The following ADAMTS2 variants were observed in gnomAD, a reference collection of about 807,000 sequenced individuals.
The protein encoded by ADAMTS2 is ADAM metallopeptidase with thrombospondin type 1 motif 2.
A neutral mutation model predicts 123.0 loss-of-function variants in ADAMTS2; 50 were observed. The ratio of observed to expected loss-of-function variants is 0.41; its 90% CI spans 0.32 to 0.51. The LOEUF is 0.51. Ranked by LOEUF, ADAMTS2 falls within the 20% of genes least tolerant of loss-of-function variation. ADAMTS2 has a pLI of 0.35. For missense variants in ADAMTS2, 1,494 were observed against 1,705.2 expected, an observed-to-expected ratio of 0.88 and a Z score of 2.18; for synonymous variants, 678 against 695.4, an observed-to-expected ratio of 0.98 and a Z score of 0.39.
chr5:179,275,166 G>A (rs1766660729), intron 2 of ADAMTS2, among the ~76,000 whole-genome samples: 1 of 152,128 alleles, frequency 6.6e-6, no homozygotes, highest in Non-Finnish European at 1.5e-5. Context: ...CAGTTCAGAA[G>A]CATGGTGGCT....
At chr5:179,191,869 C>G (rs1401726501) in intron 4 of ADAMTS2, among the ~76,000 whole-genome samples, 1 of 151,566 alleles carries the variant, frequency 6.6e-6, no homozygotes, top group East Asian at 1.9e-4. Context: ...CACATGGATG[C>G]CCCTCGCTCC....
chr5:179,153,927 C>A, intron 8 of ADAMTS2, 122 bp downstream of exon 8: 1 of 1,368,328 alleles, frequency 7.3e-7, no homozygotes, highest in Non-Finnish European at 9.9e-7. Flanking sequence ...TCCTCCCCCG[C>A]ACACAAGCTT....
intron 4 of ADAMTS2, among the ~76,000 whole-genome samples, chr5:179,187,144 C>T (rs1290766089): frequency 1.3e-5 from 2 of 152,178 alleles, no homozygotes; most frequent in East Asian, 3.9e-4. Context: ...TCTCCCTGTG[C>T]AGCCCCTCAA....
At chr5:179,224,197 T>G (rs1327488452) in intron 3 of ADAMTS2, among the ~76,000 whole-genome samples, 1 of 152,188 alleles carries the variant, frequency 6.6e-6, no homozygotes, top group Non-Finnish European at 1.5e-5. Flanking sequence ...GTGGATGCTG[T>G]GCGCTTACTG....
In ADAMTS2 at chr5:179,114,042, T is replaced by C. The variant is rs1371406484; in HGVS notation, c.3461A>G (p.Asp1154Gly). 9 of 1,614,018 alleles carry C rather than the reference T, an allele frequency of 5.6e-6. No individual in the cohort carries two copies. In the African/African-American group the frequency reaches 1.2e-4, roughly 22 times the overall value. The change falls in exon 22 of 22, where the codon GAT (aspartate) becomes GGT (glycine). Residue 1154 changes from aspartate to glycine, a missense_variant. Coordinates refer to ENST00000251582, the MANE Select transcript of ADAMTS2 (RefSeq NM_014244.5). ...LNASSTNATE[D>G]HPETNAVDEP... is the part of the protein sequence containing the mutation. Reference sequence around the variant, plus strand: ...ATCTACGGCATTGGTTTCTGGGTGATCCTCTGTGGCATTGGTGCTGGAGGC... The same window carrying C: ...ATCTACGGCATTGGTTTCTGGGTGACCCTCTGTGGCATTGGTGCTGGAGGC...
chr5:179,224,872 C>T (rs1005600874), intron 3 of ADAMTS2, among the ~76,000 whole-genome samples: 1 of 152,120 alleles, frequency 6.6e-6, no homozygotes, highest in Non-Finnish European at 1.5e-5. Context: ...TCTGCCACCT[C>T]GGCTCCACGC....
At chr5:179,127,897 C>T (rs1365345005) in intron 17 of ADAMTS2, 62 bp downstream of exon 17, 12 of 1,603,972 alleles carry the variant, frequency 7.5e-6, no homozygotes, top group African/African-American at 1.3e-5. Flanking sequence ...CCCAGGGATG[C>T]TCCCTACCTT....
At position 179,137,838 on chromosome 5, in the gene ADAMTS2, G is replaced by A. The variant is rs984794583; in HGVS notation, c.1882C>T (p.Arg628Cys). 5 of 1,572,902 alleles carry A rather than the reference G, an allele frequency of 3.2e-6. No individual in the cohort carries two copies. The highest frequency in any genetic ancestry group is 4.3e-6 in the Non-Finnish European group (5 of 1,160,694). Residue 628 changes from arginine to cysteine, a missense_variant, in exon 12 of 22, where the codon CGC becomes TGC. This residue lies in a region of ADAMTS2 where 953 missense variants were observed against 1,124.7 expected (regional missense o/e 0.85). Transcript: ENST00000251582. ...TGCTCGAAGTACAGGTCCCACTGGC[G>A]GCACTGCTCCTCGCGGAAGTCAGCC... ...SLADFREEQC[R>C]QWDLYFEHGD...
At position 179,113,808 on chromosome 5, in the gene ADAMTS2, C is replaced by G. The variant is rs996505643; in HGVS notation, c.*59G>C. On this transcript the variant is annotated 3_prime_UTR_variant, in exon 22 of 22. Coordinates refer to ENST00000251582, the MANE Select transcript of ADAMTS2 (RefSeq NM_014244.5). ...ATCTCCATGACACAGGATTTGCTAT[C>G]CCATGGAATATCTCTATAAGCAAGA... The G allele has an allele frequency of 6.6e-7, 1 of 1,524,746 alleles. No individual in the cohort carries two copies. The highest frequency in any genetic ancestry group is 1.4e-5 in the African/African-American group (1 of 72,984). 94.5% of individuals were successfully genotyped at this position (1,524,746 alleles called of 1,614,324 possible). A position where few individuals can be genotyped will look rare whatever the true frequency, so the allele number is the denominator to read the frequency against.
rs1410901437 is a variant in ADAMTS2, at chr5:179,340,370, G to T, written c.534+3397C>A. On this transcript the variant is annotated intron_variant, in intron 2 of 21. Transcript: ENST00000251582. ...GTGAGGACTTAGGCCACCCATAGGA[G>T]CTGCAGCCCAGCGCAGGTCACGAGC... 2.0e-5 allele frequency among the ~76,000 whole-genome samples: 3 copies of T among 152,190 alleles called. No individual in the cohort carries two copies. In the East Asian group the frequency reaches 5.8e-4, roughly 29 times the overall value.
intron 1 of ADAMTS2, among the ~76,000 whole-genome samples, chr5:179,344,741 G>C (rs1757891195): frequency 6.6e-6 from 1 of 152,182 alleles, no homozygotes; most frequent in African/African-American, 2.4e-5. Flanking sequence ...GGGAGGGGTG[G>C]AACAGGGTCC....
At chr5:179,177,503 G>A (rs1285588243) in intron 5 of ADAMTS2, among the ~76,000 whole-genome samples, 1 of 152,188 alleles carries the variant, frequency 6.6e-6, no homozygotes, top group East Asian at 1.9e-4. Flanking sequence ...TTGCAAATGA[G>A]TATGAATGCA....
chr5:179,211,018 CCT>C lies in ADAMTS2; in HGVS notation c.689-3305_689-3304del, dbSNP rs1349295786. On this transcript the variant is annotated intron_variant, in intron 3 of 21. Coordinates refer to ENST00000251582, the MANE Select transcript of ADAMTS2 (RefSeq NM_014244.5). Reference sequence around the variant, plus strand: ...CTCTGGCCAGTGGGCCTGGCGTGGTCCTGAGTCGTCTTCCTAGTGATCCCTTT... The same window carrying C: ...CTCTGGCCAGTGGGCCTGGCGTGGTCGAGTCGTCTTCCTAGTGATCCCTTT... Among the ~76,000 whole-genome samples the C allele has an allele frequency of 1.4e-4, 21 of 152,366 alleles. No individual in the cohort carries two copies. The East Asian group carries it at 3.3e-3, about 24-fold the overall frequency.
chr5:179,135,771 C>T, intron 13 of ADAMTS2, 138 bp downstream of exon 13: 1 of 1,351,068 alleles, frequency 7.4e-7, no homozygotes. Flanking sequence ...AAGAGCCTGC[C>T]CTGGTCCGGG....
chr5:179,121,660 C>G lies in ADAMTS2; in HGVS notation c.3178+1G>C. 6.2e-7 allele frequency: 1 copy of G among 1,600,568 alleles called. No homozygotes were observed. The highest frequency in any genetic ancestry group is 1.7e-4 in the Middle Eastern group (1 of 6,024). ...GGCAGAGTTATAAACGGGTCGGTTA[C>G]TTGACGAGATCTTCCGGATGGGCGA... On this transcript the variant is annotated splice_donor_variant, in intron 21 of 21. Coordinates refer to ENST00000251582, the MANE Select transcript of ADAMTS2 (RefSeq NM_014244.5). LOFTEE classifies it high-confidence loss of function.
Position 179,204,571 on chromosome 5 carries a change from C to A in ADAMTS2, c.891+2942G>T, listed in dbSNP as rs548750381. Among the ~76,000 whole-genome samples, 587 of 152,320 alleles carry A rather than the reference C, an allele frequency of 3.9e-3. 7 individuals carry two copies. Among genetic ancestry groups the A allele is most frequent in the African/African-American group, 0.014 (570 of 41,568 alleles). On this transcript the variant is annotated intron_variant, in intron 4 of 21. Transcript: ENST00000251582. The stretch of plus-strand genomic sequence containing the variant: ...GAAGGTCACCCTTTCTCAGAAGCTC[C>A]CACTTGCTCAATGCCCCTCCTCCCC...
intron 11 of ADAMTS2, among the ~76,000 whole-genome samples, chr5:179,139,272 G>A (rs913015391): frequency 6.6e-6 from 1 of 152,102 alleles, no homozygotes; most frequent in Non-Finnish European, 1.5e-5. Context: ...GGGTGTGGAT[G>A]AGAAAGTGGC....
rs772989447 is a variant in ADAMTS2, at chr5:179,154,204, G to A, written c.1239-12C>T. ...GCTCCATGCCCAGCCTGCGAGGGCC[G>A]AGGCAGCTGGCTGAATCCCACTGGC... On this transcript the variant is annotated splice_polypyrimidine_tract_variant and intron_variant, in intron 7 of 21. Coordinates refer to ENST00000251582, the MANE Select transcript of ADAMTS2 (RefSeq NM_014244.5). 5.0e-5 allele frequency: 78 copies of A among 1,544,942 alleles called. No individual in the cohort carries two copies. The highest frequency in any genetic ancestry group is 2.0e-4 in the African/African-American group (15 of 73,502).
chr5:179,144,935 T>G (rs1441855398), intron 10 of ADAMTS2, among the ~76,000 whole-genome samples: 5 of 152,056 alleles, frequency 3.3e-5, no homozygotes, highest in Non-Finnish European at 7.4e-5. Context: ...ATCACGAAAG[T>G]GAAAAGACAA....
Sources: gnomAD v4.1 joint callset for allele counts (sites outside exome capture counted in the v4.1 genomes callset) on GRCh38, gnomAD v4.1.1 for gene constraint, gnomAD v4.1.1 regional missense constraint, MANE v1.5 for transcripts, NCBI Gene and HGNC (gene_info 2026-07-23, HGNC 2026-07-21) for gene names.